The following FUT8 variants were observed in gnomAD, a reference collection of about 807,000 sequenced individuals.
FUT8 encodes the protein fucosyltransferase 8, also known as alpha-(1,6)-fucosyltransferase.
FUT8 carries 29 observed loss-of-function variants against 71.3 expected under a neutral mutation model. The ratio of observed to expected loss-of-function variants is 0.41; its 90% CI spans 0.30 to 0.55. FUT8 has a LOEUF of 0.55. FUT8 is among the 20% of genes least tolerant of loss of function. The pLI, the probability that FUT8 is intolerant of heterozygous loss-of-function variation, is 0.34. For synonymous variants in FUT8, 254 were observed against 239.3 expected, an observed-to-expected ratio of 1.06 and a Z score of -0.57; for missense variants, 544 against 702.1, an observed-to-expected ratio of 0.77 and a Z score of 2.55.
intron 1 of FUT8, among the ~76,000 whole-genome samples, chr14:65,426,713 C>T (rs891890675): frequency 6.6e-6 from 1 of 152,112 alleles, no homozygotes; most frequent in Non-Finnish European, 1.5e-5. Flanking sequence ...CTTCTTACAC[C>T]TGCTGTTTTT....
In FUT8 at chr14:65,561,807, T is replaced by C. The variant is rs76693442; in HGVS notation, c.203+41T>C. On this transcript the variant is annotated intron_variant, in intron 3 of 10. Coordinates refer to ENST00000673929, the MANE Select transcript of FUT8 (RefSeq NM_001371533.1). The stretch of plus-strand genomic sequence containing the variant: ...CTGAATGAAGAATGATGAAATATTG[T>C]ACTTTGTTTTTAGGTGTAGGGCTTC... 2,161 of 1,543,606 alleles carry C rather than the reference T, an allele frequency of 1.4e-3. 30 individuals are homozygous for C. The African/African-American group carries it at 0.024, about 17-fold the overall frequency.
In FUT8 at chr14:65,472,659, G is replaced by A. The variant is rs2066166113; in HGVS notation, c.-228+16941G>A. Among the ~76,000 whole-genome samples, 1 of 152,080 alleles carries A rather than the reference G, an allele frequency of 6.6e-6. No homozygotes were observed. Among genetic ancestry groups the A allele is most frequent in the Admixed American group, 6.6e-5 (1 of 15,264 alleles). ...TTCTGATAAGTATACTGATGATGCT[G>A]AGGATGGTTATTAAAGCCCTATGCT... On this transcript the variant is annotated intron_variant, in intron 2 of 10. Transcript: ENST00000673929. The surrounding 1 kb of genome is among the most constrained non-coding windows in gnomAD (Gnocchi z 4.4).
chr14:65,443,840 A>G (rs2065699120), intron 1 of FUT8, among the ~76,000 whole-genome samples: 1 of 152,202 alleles, frequency 6.6e-6, no homozygotes, highest in South Asian at 2.1e-4. Context: ...AGCAGAGTTA[A>G]TACAAAATAA....
chr14:65,513,339 T>C (rs547508710), intron 2 of FUT8, among the ~76,000 whole-genome samples: 58 of 152,212 alleles, frequency 3.8e-4, no homozygotes, highest in Non-Finnish European at 6.5e-4. Flanking sequence ...TAGTCCCTGC[T>C]CTAGAGAAAA....
the FUT8 span, among the ~76,000 whole-genome samples, chr14:65,361,213 G>A: frequency 5.3e-4 from 80 of 151,910 alleles, no homozygotes; most frequent in Admixed American, 1.8e-3. Flanking sequence ...AAAATTAGCC[G>A]GGCGTGGTGG....
chr14:65,401,895 TAAAAA>T, the FUT8 span, among the ~76,000 whole-genome samples: 7 of 105,254 alleles, frequency 6.7e-5, no homozygotes, highest in African/African-American at 7.3e-5. Context: ...AGACCCTGTC[TAAAAA>T]AAAAAAAAAA....
Position 65,616,247 on chromosome 14 carries a change from T to C in FUT8, c.356T>C (p.Ile119Thr). The C allele has an allele frequency of 1.2e-6, 2 of 1,610,774 alleles. No homozygotes were observed. The highest frequency in any genetic ancestry group is 4.5e-5 in the East Asian group (2 of 44,850). ...GATCATGAAATCCTGAGGAGGAGGATTGAAAATGGAGCTAAAGAGCTCTGG... is the reference window on the plus strand; with the variant it reads ...GATCATGAAATCCTGAGGAGGAGGACTGAAAATGGAGCTAAAGAGCTCTGG... ...GKDHEILRRR[I>T]ENGAKELWFF... The change falls in exon 5 of 11, where the codon ATT becomes ACT. Residue 119 changes from isoleucine (I) to threonine (T), a missense_variant. Transcript: ENST00000673929.
Position 65,603,284 on chromosome 14 carries a change from G to GT in FUT8, c.204-12693dup, listed in dbSNP as rs1229471104. Among the ~76,000 whole-genome samples, 8 of 151,760 alleles carry GT rather than the reference G, an allele frequency of 5.3e-5. No homozygotes were observed. Among genetic ancestry groups the GT allele is most frequent in the Admixed American group, 1.3e-4 (2 of 15,182 alleles). ...TTGCTTTGTCGAAGATCAGTTGGCT[G>GT]TAAGTATTTGGGTTTTTTTCTGGGT... On this transcript the variant is annotated intron_variant, in intron 3 of 10. Coordinates refer to ENST00000673929, the MANE Select transcript of FUT8 (RefSeq NM_001371533.1). This position sits in a 1 kb window ranked among gnomAD's most constrained non-coding sequence, Gnocchi z 4.5.
intron 2 of FUT8, among the ~76,000 whole-genome samples, chr14:65,514,081 G>T (rs1044789499): frequency 1.3e-5 from 2 of 152,222 alleles, no homozygotes; most frequent in African/African-American, 4.8e-5. Flanking sequence ...GCTAAAACTG[G>T]CTTAGGGTCT....
At chr14:65,423,055 G>A (rs1045448691) in intron 1 of FUT8, among the ~76,000 whole-genome samples, 10 of 131,350 alleles carry the variant, frequency 7.6e-5, no homozygotes, top group Non-Finnish European at 1.6e-4. Context: ...GCGCGATCTC[G>A]GCTCACTGCA....
At chr14:65,573,695 C>T (rs1451011262) in intron 3 of FUT8, among the ~76,000 whole-genome samples, 2 of 149,338 alleles carry the variant, frequency 1.3e-5, no homozygotes, top group Non-Finnish European at 3.0e-5. Flanking sequence ...TGAATAGCCA[C>T]TGTACTCCAG....
chr14:65,500,970 C>T (rs1046167518), intron 2 of FUT8, among the ~76,000 whole-genome samples: 2 of 152,112 alleles, frequency 1.3e-5, no homozygotes, highest in African/African-American at 4.8e-5. Flanking sequence ...TTCTTGTATC[C>T]ATTTCCCATC....
chr14:65,554,636 A>T (rs1885490308), intron 2 of FUT8, among the ~76,000 whole-genome samples: 1 of 151,844 alleles, frequency 6.6e-6, no homozygotes, highest in African/African-American at 2.4e-5. Context: ...TTTGAGTTGG[A>T]TTTGTTTTTT....
intron 2 of FUT8, among the ~76,000 whole-genome samples, chr14:65,498,081 C>T (rs1191578863): frequency 2.0e-5 from 3 of 152,198 alleles, no homozygotes; most frequent in Admixed American, 6.5e-5. Flanking sequence ...GAATGCTCAG[C>T]CTCTGTGTTT....
intron 7 of FUT8, among the ~76,000 whole-genome samples, chr14:65,684,557 C>T (rs1482470371): frequency 2.0e-5 from 3 of 152,188 alleles, no homozygotes; most frequent in Non-Finnish European, 4.4e-5. Flanking sequence ...GGCAAACTAG[C>T]ATTTTAAAGC....
intron 2 of FUT8, among the ~76,000 whole-genome samples, chr14:65,524,247 A>T (rs139123479): frequency 6.6e-6 from 1 of 151,966 alleles, no homozygotes; most frequent in African/African-American, 2.4e-5. Context: ...CTTTTATTTC[A>T]TTGAGCAGTG....
intron 2 of FUT8, among the ~76,000 whole-genome samples, chr14:65,522,819 G>A (rs984848379): frequency 6.7e-6 from 1 of 149,874 alleles, no homozygotes. Context: ...GAGAACATGT[G>A]GTATTTGGTT....
chr14:65,644,484 C>T (rs1431187729), intron 6 of FUT8, among the ~76,000 whole-genome samples: 5 of 151,976 alleles, frequency 3.3e-5, no homozygotes, highest in East Asian at 1.9e-4. Flanking sequence ...CTCAGCCTCC[C>T]GAGTGGCTGG....
intron 6 of FUT8, among the ~76,000 whole-genome samples, chr14:65,633,097 T>C (rs1358587177): frequency 6.8e-6 from 1 of 146,978 alleles, no homozygotes; most frequent in African/African-American, 2.5e-5. Flanking sequence ...TGCTGCCATC[T>C]CGGCTCACTG....
Sources: gnomAD v4.1 joint callset for allele counts (sites outside exome capture counted in the v4.1 genomes callset) on GRCh38, gnomAD v4.1.1 for gene constraint, Gnocchi (gnomAD v3.1) non-coding constraint, MANE v1.5 for transcripts, NCBI Gene and HGNC (gene_info 2026-07-23, HGNC 2026-07-21) for gene names.